Variants in MEGF6 observed in about 807,000 individuals in gnomAD.
MEGF6 encodes the protein multiple EGF like domains 6.
In MEGF6, 184 loss-of-function variants were observed where a neutral mutation model predicts 207.1. The observed-to-expected ratio is 0.89, with a 90% CI of 0.79 to 1.00. The LOEUF (loss-of-function observed/expected upper bound fraction) is 1.00, where lower values mean the gene tolerates loss of function less well. MEGF6 is among the 50% of genes least tolerant of loss of function. The probability of loss-of-function intolerance (pLI) is 0.00; values close to 1 mark genes in which losing one functional copy is unlikely to be tolerated. For synonymous variants in MEGF6, 1,038 were observed against 910.0 expected (o/e 1.14, Z -2.53); for missense variants, 2,282 against 2,202.9 (o/e 1.04, Z -0.72).
In MEGF6 at chr1:3,505,279, G is replaced by A. The variant is rs1641060828; in HGVS notation, c.2117C>T (p.Ala706Val). Residue 706 changes from alanine to valine, a missense_variant, in exon 17 of 37, where the codon GCC (alanine) becomes GTC (valine). Transcript: ENST00000356575. ...ACACTCGCCGCTCACGGAGTCACAG[G>A]CCACGCCCACTGGGCAGGTGCATGC... ...WQACTCPVGV[A>V]CDSVSGECGK... 6.2e-7 allele frequency: 1 copy of A among 1,612,442 alleles called. No individual in the cohort carries two copies. Among genetic ancestry groups the A allele is most frequent in the South Asian group, 1.1e-5 (1 of 91,082 alleles).
At position 3,496,748 on chromosome 1, in the gene MEGF6, G is replaced by A. The variant is rs1012429919; in HGVS notation, c.3649C>T (p.Gln1217Ter). The change falls in exon 29 of 37, where the codon CAG (glutamine) becomes TAG (stop). Residue 1217 changes from glutamine (Q) to a stop codon, truncating the protein, a stop_gained. Coordinates refer to ENST00000356575, the MANE Select transcript of MEGF6 (RefSeq NM_001409.4). LOFTEE classifies it high-confidence loss of function. ...CCCCCGTTGAGACACCCACACAGCT[G>A]TTCACAGCCTGGCCCATACCGCCCG... is the stretch of plus-strand genomic sequence containing the variant. Reference protein sequence around the residue: ...PPGRYGPGCEQLCGCLNGGSC... With the variant: ...PPGRYGPGCE 1.9e-6 allele frequency: 3 copies of A among 1,560,296 alleles called. No homozygotes were observed. Among genetic ancestry groups the A allele is most frequent in the Non-Finnish European group, 2.6e-6 (3 of 1,152,608 alleles).
the MEGF6 span, among the ~76,000 whole-genome samples, chr1:3,622,659 G>A: frequency 1.3e-5 from 2 of 152,158 alleles, no homozygotes; most frequent in Non-Finnish European, 2.9e-5. Context: ...GCAAGCCCAG[G>A]ACACCAAGCA....
intron 20 of MEGF6, 91 bp downstream of exon 20, chr1:3,500,875 C>A: frequency 6.3e-7 from 1 of 1,599,686 alleles, no homozygotes; most frequent in African/African-American, 1.3e-5. Flanking sequence ...TCCTGCAAGC[C>A]CCTAGTCCTC....
intron 4 of MEGF6, among the ~76,000 whole-genome samples, chr1:3,552,923 C>T (rs1260195458): frequency 3.9e-5 from 6 of 152,144 alleles, no homozygotes; most frequent in Non-Finnish European, 8.8e-5. Context: ...TCAGATGCTG[C>T]TGCCCAGGTC....
rs755695437 is a variant in MEGF6 at position 3,490,607 on chromosome 1, A to G, written c.4565-18T>C. On this transcript the variant is annotated intron_variant, in intron 36 of 36. Transcript: ENST00000356575. The stretch of plus-strand genomic sequence containing the variant: ...TGTGCCCGCTGGGGAAAAGGAGAAA[A>G]GAGGGCCAGTCCAGGGTGGGGCGGG... 1 of 1,612,180 alleles carries G rather than the reference A, an allele frequency of 6.2e-7. No individual in the cohort carries two copies. Among genetic ancestry groups the G allele is most frequent in the Non-Finnish European group, 8.5e-7 (1 of 1,179,522 alleles).
intron 4 of MEGF6, 99 bp from the exon 5 acceptor site, chr1:3,524,345 C>CGAGGCACGGGAGGGA: frequency 6.6e-7 from 1 of 1,506,058 alleles, no homozygotes; most frequent in South Asian, 1.2e-5. Flanking sequence ...CCAGGTCCCT[C>CGAGGCACGGGAGGGA]CCGTGCCTCG....
chr1:3,523,078 G>GT (rs1553195915), intron 5 of MEGF6, among the ~76,000 whole-genome samples: 10 of 151,938 alleles, frequency 6.6e-5, no homozygotes, highest in South Asian at 2.1e-4. Flanking sequence ...GTGTGCCGGG[G>GT]GGGGGGCCCC....
In MEGF6 at chr1:3,490,333, G is replaced by A. The variant is rs193121159; in HGVS notation, c.*195C>T. 13 of 617,288 alleles carry A rather than the reference G, an allele frequency of 2.1e-5. No individual in the cohort carries two copies. Among genetic ancestry groups the A allele is most frequent in the Admixed American group, 1.0e-4 (3 of 29,896 alleles). The allele number at this position is 617,288 out of a possible 1,614,324, so 38.2% of individuals were successfully genotyped here. On this transcript the variant is annotated 3_prime_UTR_variant, in exon 37 of 37. Coordinates refer to ENST00000356575, the MANE Select transcript of MEGF6 (RefSeq NM_001409.4). ...GGCGCCTCTCTTCCAGCGGCCATGC[G>A]AGGCTTCCCTCCTCAAGGCCACACC...
At chr1:3,520,317 C>T (rs1029507327) in intron 5 of MEGF6, among the ~76,000 whole-genome samples, 3 of 152,256 alleles carry the variant, frequency 2.0e-5, no homozygotes, top group African/African-American at 7.2e-5. Context: ...AGGCCTCCAG[C>T]GCAGTGCTAG....
At chr1:3,531,585 G>GCGCT in intron 4 of MEGF6, 1 of 808,146 alleles carries the variant, frequency 1.2e-6, no homozygotes, top group Non-Finnish European at 1.5e-6. Flanking sequence ...TCCAGCGTGC[G>GCGCT]CGCTCCCGGA....
chr1:3,494,726 C>A lies in MEGF6; in HGVS notation c.3887G>T (p.Arg1296Leu), dbSNP rs748827185. Residue 1296 changes from arginine to leucine, a missense_variant, in exon 31 of 37, where the codon CGG (arginine) becomes CTG (leucine). Physicochemically the swap from Arg to Leu is moderately radical, Grantham distance 102. Coordinates refer to ENST00000356575, the MANE Select transcript of MEGF6 (RefSeq NM_001409.4). ...GGTGTGCTCGCAGCCCACGCCAAACCGGTTCTGGGGGCAGCCTGGAGACAG... is the reference window on the plus strand; with the variant it reads ...GGTGTGCTCGCAGCCCACGCCAAACAGGTTCTGGGGGCAGCCTGGAGACAG... The part of the protein sequence containing the change: ...VRCERGCPQN[R>L]FGVGCEHTCS... 1.8e-5 allele frequency: 29 copies of A among 1,587,004 alleles called. 1 individual carries two copies. The South Asian group carries it at 2.2e-4, about 12-fold the overall frequency.
chr1:3,562,662 C>A (rs1643236299), intron 4 of MEGF6, among the ~76,000 whole-genome samples: 2 of 152,250 alleles, frequency 1.3e-5, no homozygotes, highest in African/African-American at 4.8e-5. Flanking sequence ...TGGGCTGGAG[C>A]CTTGCTGGGA....
At position 3,513,474 on chromosome 1, in the gene MEGF6, C is replaced by T. The variant is rs373948584; in HGVS notation, c.853+1076G>A. 1.3e-4 allele frequency among the ~76,000 whole-genome samples: 20 copies of T among 150,920 alleles called. 1 individual carries two copies. The South Asian group carries it at 1.7e-3, about 13-fold the overall frequency. ...TTATTTTTTTGTACATACAGGATCTCGCTATGTTGCCCAGGCTGGTCTTGA... is the reference window on the plus strand; with the variant it reads ...TTATTTTTTTGTACATACAGGATCTTGCTATGTTGCCCAGGCTGGTCTTGA... On this transcript the variant is annotated intron_variant, in intron 7 of 36. Coordinates refer to ENST00000356575, the MANE Select transcript of MEGF6 (RefSeq NM_001409.4).
chr1:3,489,367 G>C lies in MEGF6; in HGVS notation c.*1161C>G, dbSNP rs191370459. Among the ~76,000 whole-genome samples, 1 of 152,342 alleles carries C rather than the reference G, an allele frequency of 6.6e-6. No homozygotes were observed. Among genetic ancestry groups the C allele is most frequent in the East Asian group, 1.9e-4 (1 of 5,190 alleles). On this transcript the variant is annotated 3_prime_UTR_variant, in exon 37 of 37. Transcript: ENST00000356575. ...ACCCTAAGGGGGCCTTCTTAAGGGA[G>C]AGAGAGTCCTATGTTGCGGTGTGAG... is the stretch of plus-strand genomic sequence containing the variant.
chr1:3,544,829 G>T (rs539539881), intron 4 of MEGF6, among the ~76,000 whole-genome samples: 2 of 152,208 alleles, frequency 1.3e-5, no homozygotes, highest in Non-Finnish European at 2.9e-5. Flanking sequence ...GGCTTGGGCC[G>T]GGGAACAGCG....
chr1:3,587,612 C>T (rs1299697482), intron 3 of MEGF6, among the ~76,000 whole-genome samples: 4 of 152,230 alleles, frequency 2.6e-5, no homozygotes, highest in African/African-American at 4.8e-5. Context: ...CGCCTCCTCA[C>T]GAACTTCATG....
At chr1:3,507,454 T>C (rs1481153066) in intron 14 of MEGF6, among the ~76,000 whole-genome samples, 1 of 152,176 alleles carries the variant, frequency 6.6e-6, no homozygotes, top group Non-Finnish European at 1.5e-5. Flanking sequence ...CCAGCTCTAC[T>C]TGAATGCTTC....
chr1:3,575,974 C>A (rs1242073148), intron 4 of MEGF6, among the ~76,000 whole-genome samples: 1 of 143,270 alleles, frequency 7.0e-6, no homozygotes, highest in Non-Finnish European at 1.6e-5. Flanking sequence ...GCAACCTGCA[C>A]AAAACATCGC....
chr1:3,560,877 G>T lies in MEGF6; in HGVS notation c.481+18948C>A, dbSNP rs1303439039. The T allele has an allele frequency of 2.3e-6, 1 of 442,436 alleles. No individual in the cohort carries two copies. The highest frequency in any genetic ancestry group is 2.8e-5 in the Admixed American group (1 of 35,378). 27.4% of individuals were successfully genotyped at this position (442,436 alleles called of 1,614,324 possible). A position where few individuals can be genotyped will look rare whatever the true frequency, so the allele number is the denominator to read the frequency against. ...GCTGGCTGGTCCCCCAGGTCTCTACGCGAAGGGGGTGCTGGGCTCTACCCC... is the reference window on the plus strand; with the variant it reads ...GCTGGCTGGTCCCCCAGGTCTCTACTCGAAGGGGGTGCTGGGCTCTACCCC... On this transcript the variant is annotated intron_variant, in intron 4 of 36. Transcript: ENST00000356575. The surrounding 1 kb of genome is among the most constrained non-coding windows in gnomAD (Gnocchi z 4.0).
Sources: gnomAD v4.1 joint callset for allele counts (sites outside exome capture counted in the v4.1 genomes callset) on GRCh38, gnomAD v4.1.1 for gene constraint, Gnocchi (gnomAD v3.1) non-coding constraint, MANE v1.5 for transcripts, NCBI Gene and HGNC (gene_info 2026-07-23, HGNC 2026-07-21) for gene names.